The following DLGAP2 variants were observed in gnomAD, a reference collection of about 807,000 sequenced individuals.
DLGAP2 encodes DLG associated protein 2.
Under a neutral mutation model 100.3 loss-of-function variants are expected in DLGAP2, and 26 were observed. The ratio of observed to expected loss-of-function variants is 0.26; its 90% CI spans 0.19 to 0.36. The LOEUF (loss-of-function observed/expected upper bound fraction) is 0.36, where lower values mean the gene tolerates loss of function less well. Ranked by LOEUF, DLGAP2 falls within the 10% of genes least tolerant of loss-of-function variation. The pLI is 1.00. For synonymous variants in DLGAP2, 886 were observed against 630.1 expected, an observed-to-expected ratio of 1.41 and a Z score of -6.08; for missense variants, 1,858 against 1,453.2, an observed-to-expected ratio of 1.28 and a Z score of -4.53.
chr8:923,722 G>C (rs1413221949), intron 2 of DLGAP2, among the ~76,000 whole-genome samples: 2 of 152,182 alleles, frequency 1.3e-5, no homozygotes, highest in African/African-American at 2.4e-5. Flanking sequence ...ACCTGTGCTT[G>C]TATCAGATGT....
intron 1 of DLGAP2, among the ~76,000 whole-genome samples, chr8:892,865 G>A (rs1198678753): frequency 6.6e-6 from 1 of 152,160 alleles, no homozygotes; most frequent in East Asian, 1.9e-4. Flanking sequence ...GATGAATGCA[G>A]TTTCTAAGCA....
At chr8:1,588,322 C>A (rs1013767267) in intron 6 of DLGAP2, among the ~76,000 whole-genome samples, 5 of 152,032 alleles carry the variant, frequency 3.3e-5, no homozygotes, top group African/African-American at 7.2e-5. Context: ...AAAAAAGAGT[C>A]CAATCTGTAA....
Position 1,242,299 on chromosome 8 carries a change from G to T in DLGAP2, c.74-16552G>T, listed in dbSNP as rs561351906. Among the ~76,000 whole-genome samples, 457 of 152,302 alleles carry T rather than the reference G, an allele frequency of 3.0e-3. 3 individuals are homozygous for T. The highest frequency in any genetic ancestry group is 4.6e-3 in the Non-Finnish European group (316 of 68,028). On this transcript the variant is annotated intron_variant, in intron 2 of 14. Transcript: ENST00000637795. The stretch of plus-strand genomic sequence containing the variant: ...GTTGTCAGACATATGAGAGGATGCA[G>T]GTGACGGGGCAGGGCGGGGTTCTGG...
intron 3 of DLGAP2, among the ~76,000 whole-genome samples, chr8:1,377,088 GC>G: frequency 6.6e-6 from 1 of 152,358 alleles, no homozygotes; most frequent in East Asian, 1.9e-4. Flanking sequence ...TGCCACTTCT[GC>G]AGGGAGCTTC....
At chr8:1,201,314 G>A (rs571493275) in intron 2 of DLGAP2, among the ~76,000 whole-genome samples, 2 of 152,334 alleles carry the variant, frequency 1.3e-5, no homozygotes, top group South Asian at 4.1e-4. Context: ...GAGGCCCTCA[G>A]CGACCCTGGA....
intron 3 of DLGAP2, among the ~76,000 whole-genome samples, chr8:1,283,373 G>A (rs146189930): frequency 1.3e-5 from 2 of 152,244 alleles, no homozygotes; most frequent in East Asian, 1.9e-4. Context: ...CCTCAATGGC[G>A]CCCAGACCTT....
intron 2 of DLGAP2, among the ~76,000 whole-genome samples, chr8:1,156,484 G>T (rs531316250): frequency 1.3e-5 from 2 of 152,304 alleles, no homozygotes; most frequent in African/African-American, 4.8e-5. Context: ...CACCTGCCTG[G>T]GTGGCACAAC....
At chr8:1,127,342 G>A (rs1411623073) in intron 2 of DLGAP2, among the ~76,000 whole-genome samples, 2 of 152,088 alleles carry the variant, frequency 1.3e-5, no homozygotes, top group Non-Finnish European at 2.9e-5. Context: ...GTCATGGAAC[G>A]GGCAGGCTGA....
intron 2 of DLGAP2, among the ~76,000 whole-genome samples, chr8:1,067,504 C>T (rs568668165): frequency 2.0e-5 from 3 of 152,188 alleles, no homozygotes; most frequent in South Asian, 2.1e-4. Flanking sequence ...TCAGCCGTGC[C>T]GTCCTCCACA....
intron 6 of DLGAP2, among the ~76,000 whole-genome samples, chr8:1,619,440 T>A (rs1180793555): frequency 1.3e-5 from 2 of 152,208 alleles, no homozygotes; most frequent in African/African-American, 4.8e-5. Flanking sequence ...TTAATACAAT[T>A]TAATGGGTAT....
intron 1 of DLGAP2, among the ~76,000 whole-genome samples, chr8:780,095 G>A (rs909878840): frequency 6.6e-6 from 1 of 152,112 alleles, no homozygotes; most frequent in African/African-American, 2.4e-5. Context: ...TGATCACTAA[G>A]CCTTAGTCTA....
At chr8:1,451,183 A>G (rs970649004) in intron 3 of DLGAP2, among the ~76,000 whole-genome samples, 4 of 152,080 alleles carry the variant, frequency 2.6e-5, no homozygotes, top group Non-Finnish European at 5.9e-5. Flanking sequence ...TGCTGCATGC[A>G]GGCCATATTT....
At chr8:938,896 C>T (rs1193849854) in intron 2 of DLGAP2, among the ~76,000 whole-genome samples, 2 of 152,200 alleles carry the variant, frequency 1.3e-5, no homozygotes, top group Admixed American at 1.3e-4. Context: ...CTGCCTTAAG[C>T]CCCGAGGAAG....
At chr8:1,120,032 G>C (rs925131654) in intron 2 of DLGAP2, among the ~76,000 whole-genome samples, 2 of 152,182 alleles carry the variant, frequency 1.3e-5, no homozygotes, top group East Asian at 3.8e-4. Context: ...GCAAAACCCT[G>C]TGTCAGGCAG....
chr8:1,505,208 A>G (rs577214234), intron 4 of DLGAP2, among the ~76,000 whole-genome samples: 41 of 152,346 alleles, frequency 2.7e-4, no homozygotes, highest in Non-Finnish European at 3.2e-4. Context: ...TTATGGATCT[A>G]TAATTCTACT....
intron 2 of DLGAP2, among the ~76,000 whole-genome samples, chr8:1,211,769 G>C (rs1442000594): frequency 5.3e-5 from 8 of 152,362 alleles, no homozygotes; most frequent in African/African-American, 1.9e-4. Flanking sequence ...CAGCTACTCA[G>C]GAGGCTGAGG....
chr8:1,511,039 C>T (rs1241469920), intron 4 of DLGAP2, among the ~76,000 whole-genome samples: 2 of 152,236 alleles, frequency 1.3e-5, no homozygotes, highest in Non-Finnish European at 2.9e-5. Context: ...CTCCCCAGGG[C>T]ATCAGTTAGT....
At chr8:856,253 A>G (rs1394955453) in intron 1 of DLGAP2, among the ~76,000 whole-genome samples, 1 of 148,438 alleles carries the variant, frequency 6.7e-6, no homozygotes, top group South Asian at 2.1e-4. Flanking sequence ...CAATGGTGCA[A>G]TCTCAGCTCG....
intron 1 of DLGAP2, among the ~76,000 whole-genome samples, chr8:852,160 A>AAG (rs201846683): frequency 6.6e-6 from 1 of 151,710 alleles, no homozygotes; most frequent in African/African-American, 2.4e-5. Context: ...TAAAAAAAAA[A>AAG]CATGTCAAAA....
Sources: allele counts gnomAD v4.1 joint callset (sites outside exome capture counted in the v4.1 genomes callset), GRCh38; gene constraint gnomAD v4.1.1; transcripts MANE v1.5; gene names NCBI Gene and HGNC (gene_info 2026-07-23, HGNC 2026-07-21).